Variants in PRSS55 observed in about 807,000 individuals in gnomAD.
PRSS55 encodes probable serine protease UNQ9391/PRO34284.
Under a neutral mutation model 23.6 loss-of-function variants are expected in PRSS55, and 41 were observed. The ratio of observed to expected loss-of-function variants is 1.74; its 90% CI spans 1.35 to 2.26. The LOEUF is 2.26. Ranked by LOEUF, PRSS55 falls within the 30% of genes most tolerant of loss-of-function variation. The pLI, the probability that PRSS55 is intolerant of heterozygous loss-of-function variation, is 0.00. For missense variants in PRSS55, 669 were observed against 439.1 expected (o/e 1.52, Z -4.68); for synonymous variants, 262 against 175.5 (o/e 1.49, Z -3.90).
intron 4 of PRSS55, among the ~76,000 whole-genome samples, chr8:10,545,734 ATG>A (rs1812800711): frequency 1.3e-5 from 2 of 152,210 alleles, no homozygotes; most frequent in African/African-American, 4.8e-5. Flanking sequence ...CTGTAGAGAC[ATG>A]TGTTATTCAT....
chr8:10,531,692 T>C (rs1812273310), intron 3 of PRSS55, 147 bp downstream of exon 3: 3 of 1,205,164 alleles, frequency 2.5e-6, no homozygotes, highest in Non-Finnish European at 3.4e-6. Flanking sequence ...TTTAGCTCCT[T>C]TTGGGTGCCG....
chr8:10,530,812 A>C (rs970993136), intron 2 of PRSS55, among the ~76,000 whole-genome samples: 11 of 152,094 alleles, frequency 7.2e-5, no homozygotes, highest in African/African-American at 1.4e-4. Context: ...TGGGGTTCGG[A>C]ATGTGGGCTT....
At position 10,529,513 on chromosome 8, in the gene PRSS55, G is replaced by A; in HGVS notation, c.161G>A (p.Gly54Asp). 1 of 1,614,134 alleles carries A rather than the reference G, an allele frequency of 6.2e-7. No homozygotes were observed. Among genetic ancestry groups the A allele is most frequent in the Admixed American group, 1.7e-5 (1 of 60,028 alleles). The change falls in exon 2 of 5, where the codon GGT becomes GAT. Residue 54 changes from glycine to aspartate, a missense_variant. By Grantham distance (94) the Gly-to-Asp change is moderately conservative (BLOSUM62 -1). Coordinates refer to ENST00000328655, the MANE Select transcript of PRSS55 (RefSeq NM_198464.4). ...PHPPSPVSEC[G>D]DRSIFEGRTR... is the part of the protein sequence containing the mutation. Reference sequence around the variant, plus strand: ...CTCTCTTTCTTTCCACCAGAATGTGGTGACAGATCTATTTTCGAGGGAAGA... The same window carrying A: ...CTCTCTTTCTTTCCACCAGAATGTGATGACAGATCTATTTTCGAGGGAAGA...
At position 10,525,575 on chromosome 8, in the gene PRSS55, A is replaced by T. The variant is rs1811984218; in HGVS notation, c.-11A>T. On this transcript the variant is annotated 5_prime_UTR_variant, in exon 1 of 5. Coordinates refer to ENST00000328655, the MANE Select transcript of PRSS55 (RefSeq NM_198464.4). ...TCTGTCACCCCCGGGCCCACAGCAC[A>T]GCCCAGGGCCATGCTCCTGTTCTCA... 3 of 1,610,294 alleles carry T rather than the reference A, an allele frequency of 1.9e-6. No homozygotes were observed. Among genetic ancestry groups the T allele is most frequent in the South Asian group, 2.2e-5 (2 of 90,666 alleles).
chr8:10,533,528 G>T (rs1407653674), intron 4 of PRSS55, among the ~76,000 whole-genome samples: 6 of 152,104 alleles, frequency 3.9e-5, no homozygotes, highest in African/African-American at 1.4e-4. Context: ...TTGCATGTGG[G>T]TTTCACTGAA....
At chr8:10,547,075 C>T (rs992514494) in intron 4 of PRSS55, among the ~76,000 whole-genome samples, 1 of 152,200 alleles carries the variant, frequency 6.6e-6, no homozygotes, top group African/African-American at 2.4e-5. Flanking sequence ...GGCTGGAAGA[C>T]CACGCTCTGG....
intron 4 of PRSS55, among the ~76,000 whole-genome samples, chr8:10,536,233 T>C (rs1812448108): frequency 6.6e-6 from 1 of 151,680 alleles, no homozygotes; most frequent in African/African-American, 2.4e-5. Context: ...AAGACATACA[T>C]GCAGCCAACA....
intron 3 of PRSS55, among the ~76,000 whole-genome samples, chr8:10,531,921 C>T (rs1812281190): frequency 6.6e-6 from 1 of 152,226 alleles, no homozygotes; most frequent in Non-Finnish European, 1.5e-5. Context: ...GGGCTAGGCT[C>T]TGACGGTCCT....
At position 10,538,544 on chromosome 8, in the gene PRSS55, A is replaced by C. The variant is rs6601483; in HGVS notation, c.810A>C (p.Ile270=). 0.64 allele frequency: 1,038,888 copies of C among 1,613,812 alleles called. 335,908 individuals are homozygous for C. Among genetic ancestry groups the C allele is most frequent in the East Asian group, 0.78 (35,145 of 44,860 alleles). Residue 270 remains isoleucine, a synonymous_variant, in exon 5 of 5, where the codon ATA becomes ATC. Transcript: ENST00000328655. ...AGAAGTGGTACCAGGTGGGCATCAT[A>C]AGCTGGGGAAAGAGCTGTGGAGAGA... ...PGEKWYQVGI[I]SWGKSCGEKN...
At chr8:10,532,802 GA>G in intron 3 of PRSS55, 103 bp from the exon 4 acceptor site, 1 of 1,427,296 alleles carries the variant, frequency 7.0e-7, no homozygotes, top group Non-Finnish European at 9.6e-7. Context: ...GAAGGAAGGG[GA>G]TGGGGGCTGG....
intron 4 of PRSS55, among the ~76,000 whole-genome samples, chr8:10,552,354 C>T (rs890798781): frequency 9.2e-5 from 14 of 152,080 alleles, no homozygotes; most frequent in Non-Finnish European, 1.8e-4. Context: ...TACCGAGCAC[C>T]GGGTTGAAAA....
intron 4 of PRSS55, among the ~76,000 whole-genome samples, chr8:10,543,975 G>A (rs35276159): frequency 2.0e-5 from 3 of 151,928 alleles, no homozygotes; most frequent in Admixed American, 2.0e-4. Flanking sequence ...TTTATGTACT[G>A]TATTTTAAAA....
At chr8:10,529,851 C>G (rs1323625349) in intron 2 of PRSS55, 152 bp downstream of exon 2, 5 of 770,096 alleles carry the variant, frequency 6.5e-6, no homozygotes, top group African/African-American at 1.7e-5. Flanking sequence ...CACCCCCCAG[C>G]CTGTGGGGAC....
chr8:10,548,218 G>A (rs527835417), intron 4 of PRSS55, among the ~76,000 whole-genome samples: 2 of 152,294 alleles, frequency 1.3e-5, no homozygotes, highest in African/African-American at 2.4e-5. Flanking sequence ...TGGCTGGAGT[G>A]GGGTGCAGTT....
intron 4 of PRSS55, chr8:10,553,865 T>C: frequency 2.2e-6 from 2 of 919,468 alleles, no homozygotes; most frequent in Non-Finnish European, 3.2e-6. Context: ...TCACAATGTA[T>C]ACATAAATCA....
intron 4 of PRSS55, among the ~76,000 whole-genome samples, 187 bp from the exon 5 acceptor site, chr8:10,538,289 C>T (rs373697943): frequency 7.3e-5 from 11 of 149,928 alleles, no homozygotes; most frequent in East Asian, 4.0e-4. Flanking sequence ...CCACCCCCAA[C>T]GCTCTACACC....
At chr8:10,535,570 AG>A (rs2117040848) in intron 4 of PRSS55, among the ~76,000 whole-genome samples, 1 of 152,344 alleles carries the variant, frequency 6.6e-6, no homozygotes, top group African/African-American at 2.4e-5. Context: ...AATCAATGCG[AG>A]TTGGATAAAA....
chr8:10,525,965 G>A (rs778052131), intron 1 of PRSS55, among the ~76,000 whole-genome samples: 6 of 152,218 alleles, frequency 3.9e-5, no homozygotes, highest in Non-Finnish European at 5.9e-5. Flanking sequence ...AGGAATAGCA[G>A]GCTGCCCTGA....
intron 4 of PRSS55, among the ~76,000 whole-genome samples, chr8:10,552,855 T>C (rs1812981511): frequency 6.6e-6 from 1 of 152,230 alleles, no homozygotes; most frequent in Non-Finnish European, 1.5e-5. Context: ...TGGGGAACAC[T>C]ATGGAGGCTT....
Sources: allele counts gnomAD v4.1 joint callset (sites outside exome capture counted in the v4.1 genomes callset), GRCh38; gene constraint gnomAD v4.1.1; transcripts MANE v1.5; gene names NCBI Gene and HGNC (gene_info 2026-07-23, HGNC 2026-07-21).